The following DMD variants were observed in gnomAD, a reference collection of about 807,000 sequenced individuals.
DMD encodes dystrophin.
Under a neutral mutation model 330.1 loss-of-function variants are expected in DMD, and 63 were observed. That is an observed-to-expected ratio of 0.19 (90% CI 0.16 to 0.24). DMD has a LOEUF of 0.24. DMD is among the 10% of genes least tolerant of loss of function. The pLI is 1.00. For missense variants in DMD, 3,344 were observed against 2,684.1 expected, an observed-to-expected ratio of 1.25 and a Z score of -5.43; for synonymous variants, 1,223 against 959.8, an observed-to-expected ratio of 1.27 and a Z score of -5.07.
At chrX:32,450,051 T>C (rs1382812007) in intron 26 of DMD, among the ~76,000 whole-genome samples, 2 of 111,008 alleles carry the variant, frequency 1.8e-5, no homozygotes, top group Non-Finnish European at 3.8e-5. Flanking sequence ...TCATCTTCCC[T>C]AATTGTTAAA....
chrX:31,738,122 T>C (rs1401325965), intron 51 of DMD, among the ~76,000 whole-genome samples: 1 of 111,999 alleles, frequency 8.9e-6, no homozygotes, highest in African/African-American at 3.2e-5. Flanking sequence ...GATTTTGTTC[T>C]TTCTGGTTGG....
rs1001949413 is a variant in DMD, at chrX:32,381,168, C to A, written c.4675-488G>T. Among the ~76,000 whole-genome samples the A allele has an allele frequency of 5.4e-5, 6 of 111,495 alleles. No homozygotes were observed. The Admixed American group carries it at 5.7e-4, about 11-fold the overall frequency. Reference sequence around the variant, plus strand: ...AAGTATTTGTGTAATACCTAGAATTCTCAACTGTATCCTCGTTACATCTTT... The same window carrying A: ...AAGTATTTGTGTAATACCTAGAATTATCAACTGTATCCTCGTTACATCTTT... On this transcript the variant is annotated intron_variant, in intron 33 of 78. Transcript: ENST00000357033.
At chrX:32,062,329 C>T in intron 44 of DMD, among the ~76,000 whole-genome samples, 1 of 110,942 alleles carries the variant, frequency 9.0e-6, no homozygotes, top group Non-Finnish European at 1.9e-5. Flanking sequence ...GTGAATGCTA[C>T]CTAAGAATAC....
intron 17 of DMD, among the ~76,000 whole-genome samples, chrX:32,524,995 T>C (rs1004070854): frequency 1.8e-5 from 2 of 111,960 alleles, no homozygotes; most frequent in Non-Finnish European, 3.8e-5. Context: ...TTTTCTAAAA[T>C]GGAACAAAGA....
At chrX:31,723,778 CAA>C (rs1420452908) in intron 52 of DMD, among the ~76,000 whole-genome samples, 1 of 110,704 alleles carries the variant, frequency 9.0e-6, no homozygotes, top group Admixed American at 9.7e-5. Flanking sequence ...TTCTGCTTTT[CAA>C]AGTCTTATTC....
intron 2 of DMD, among the ~76,000 whole-genome samples, chrX:32,895,812 G>A (rs2085655869): frequency 9.3e-6 from 1 of 107,017 alleles, no homozygotes; most frequent in Admixed American, 1.0e-4. Flanking sequence ...GAGCTTTCAA[G>A]GATGCTGAGC....
At chrX:33,129,456 A>ATTT (rs1177655859) in intron 1 of DMD, among the ~76,000 whole-genome samples, 1 of 102,464 alleles carries the variant, frequency 9.8e-6, no homozygotes, top group East Asian at 3.0e-4. Flanking sequence ...TGCCACTGAT[A>ATTT]TTTTTAAAAA....
At chrX:31,959,169 C>T (rs143943199) in intron 45 of DMD, among the ~76,000 whole-genome samples, 4,185 of 111,680 alleles carry the variant, frequency 0.037, 70 homozygotes, top group Non-Finnish European at 0.055. Flanking sequence ...CCACTAGTTT[C>T]ACTCTCTTTT....
intron 54 of DMD, among the ~76,000 whole-genome samples, chrX:31,652,675 G>A (rs762833012): frequency 2.5e-4 from 28 of 111,277 alleles, no homozygotes; most frequent in African/African-American, 8.8e-4. Context: ...TGACCAACAG[G>A]ATCAATGTTA....
At chrX:31,680,104 T>A (rs1205123430) in intron 52 of DMD, among the ~76,000 whole-genome samples, 1 of 111,849 alleles carries the variant, frequency 8.9e-6, no homozygotes, top group Non-Finnish European at 1.9e-5. Flanking sequence ...TTACACTAGC[T>A]CCCTTGATGC....
chrX:32,775,322 C>A (rs1283212527), intron 7 of DMD, among the ~76,000 whole-genome samples: 1 of 112,533 alleles, frequency 8.9e-6, no homozygotes. Context: ...CTAGGCAGTG[C>A]CCCAGTGAGG....
chrX:32,681,626 A>G (rs2062431510), intron 9 of DMD, among the ~76,000 whole-genome samples: 1 of 111,910 alleles, frequency 8.9e-6, no homozygotes, highest in African/African-American at 3.2e-5. Context: ...AACTCTTAGA[A>G]TATACAATAC....
chrX:32,106,694 T>C (rs765072497), intron 44 of DMD, among the ~76,000 whole-genome samples: 1 of 111,994 alleles, frequency 8.9e-6, no homozygotes, highest in Non-Finnish European at 1.9e-5. Flanking sequence ...TCTCGAATTA[T>C]GTTTTGCTCC....
intron 1 of DMD, among the ~76,000 whole-genome samples, chrX:33,227,371 A>AT (rs1191737442): frequency 6.3e-5 from 7 of 110,300 alleles, no homozygotes; most frequent in African/African-American, 2.0e-4. Flanking sequence ...TAAAACCACC[A>AT]TTTTTTTCCA....
intron 55 of DMD, among the ~76,000 whole-genome samples, chrX:31,614,613 T>C (rs1305249299): frequency 1.8e-5 from 2 of 111,782 alleles, no homozygotes; most frequent in East Asian, 5.6e-4. Flanking sequence ...TGATCTCCAG[T>C]GGGAAATGAT....
At chrX:31,923,010 A>G (rs1411896351) in intron 47 of DMD, among the ~76,000 whole-genome samples, 1 of 111,657 alleles carries the variant, frequency 9.0e-6, no homozygotes, top group Non-Finnish European at 1.9e-5. Flanking sequence ...GCCTAGCTCT[A>G]AAAGCCTGAT....
intron 29 of DMD, among the ~76,000 whole-genome samples, chrX:32,414,303 T>C (rs947037626): frequency 2.7e-5 from 3 of 111,866 alleles, no homozygotes; most frequent in African/African-American, 9.7e-5. Flanking sequence ...AGGTAATTCT[T>C]GCATGTTCTT....
chrX:31,834,556 C>T (rs1603484102), intron 49 of DMD, among the ~76,000 whole-genome samples: 1 of 111,785 alleles, frequency 8.9e-6, no homozygotes, highest in East Asian at 2.8e-4. Context: ...TCTCCTGCCT[C>T]AGCCTCCCAA....
At chrX:33,126,007 C>G (rs1490335637) in intron 1 of DMD, among the ~76,000 whole-genome samples, 4 of 100,232 alleles carry the variant, frequency 4.0e-5, no homozygotes, top group Non-Finnish European at 7.9e-5. Flanking sequence ...CCATTGCACT[C>G]TAGCCTGGGT....
Sources: gnomAD v4.1 joint callset for allele counts (sites outside exome capture counted in the v4.1 genomes callset) on GRCh38, gnomAD v4.1.1 for gene constraint, MANE v1.5 for transcripts, NCBI Gene and HGNC (gene_info 2026-07-23, HGNC 2026-07-21) for gene names.